Variants in NLGN1 observed in about 807,000 individuals in gnomAD.
The protein encoded by NLGN1 is neuroligin 1.
Under a neutral mutation model 65.5 loss-of-function variants are expected in NLGN1, and 12 were observed. The ratio of observed to expected loss-of-function variants is 0.18; its 90% CI spans 0.12 to 0.30. The LOEUF is 0.30. Among genes scored for constraint, NLGN1 ranks in the 10% least tolerant of loss-of-function variants. The pLI is 1.00. For synonymous variants in NLGN1, 350 were observed against 359.5 expected (o/e 0.97, Z 0.30); for missense variants, 750 against 1,007.1 (o/e 0.74, Z 3.46).
At chr3:174,052,235 A>T (rs1043892611) in intron 4 of NLGN1, among the ~76,000 whole-genome samples, 1 of 152,076 alleles carries the variant, frequency 6.6e-6, no homozygotes, top group African/African-American at 2.4e-5. Context: ...TGTGTTGTGT[A>T]GGGGAAAACT....
chr3:173,571,576 A>G (rs1464590945), intron 2 of NLGN1, among the ~76,000 whole-genome samples: 1 of 152,236 alleles, frequency 6.6e-6, no homozygotes, highest in Non-Finnish European at 1.5e-5. Context: ...TTATTAAAAG[A>G]AAAATAAATA....
chr3:174,219,121 C>T (rs888055222), intron 4 of NLGN1, among the ~76,000 whole-genome samples: 2 of 152,082 alleles, frequency 1.3e-5, no homozygotes, highest in African/African-American at 4.8e-5. Context: ...TTCTGAAATT[C>T]TGGCAAATGA....
chr3:173,586,620 C>A lies in NLGN1; in HGVS notation c.-320-17659C>A, dbSNP rs536038769. ...GGTAGATATTTCTTATTTCAGTAGA[C>A]GTTGTGTAGGCTTATTTAGAGATTA... On this transcript the variant is annotated intron_variant, in intron 2 of 6. Transcript: ENST00000457714. Among the ~76,000 whole-genome samples, 5 of 152,290 alleles carry A rather than the reference C, an allele frequency of 3.3e-5. No homozygotes were observed. The South Asian group carries it at 8.3e-4, about 25-fold the overall frequency.
At chr3:174,004,041 A>G (rs1173973176) in intron 4 of NLGN1, among the ~76,000 whole-genome samples, 1 of 152,054 alleles carries the variant, frequency 6.6e-6, no homozygotes, top group African/African-American at 2.4e-5. Context: ...TTCTTTTTCC[A>G]TGTCTGTGGA....
chr3:174,018,230 C>T (rs1261214716), intron 4 of NLGN1, among the ~76,000 whole-genome samples: 1 of 152,122 alleles, frequency 6.6e-6, no homozygotes, highest in African/African-American at 2.4e-5. Flanking sequence ...CACTGTTATC[C>T]TGTTCTTTTT....
intron 3 of NLGN1, chr3:173,685,608 A>G (rs1577944576): frequency 1.0e-6 from 1 of 980,510 alleles, no homozygotes; most frequent in Non-Finnish European, 1.2e-6. Context: ...GTTATCAGAG[A>G]TAGGCTGGAA....
intron 3 of NLGN1, among the ~76,000 whole-genome samples, chr3:173,770,010 C>T (rs1439969550): frequency 6.6e-6 from 1 of 152,180 alleles, no homozygotes; most frequent in African/African-American, 2.4e-5. Context: ...GGCCCCTAAG[C>T]TTCTGTTATA....
chr3:173,671,291 G>A (rs1214828227), intron 3 of NLGN1, among the ~76,000 whole-genome samples: 1 of 152,144 alleles, frequency 6.6e-6, no homozygotes, highest in East Asian at 1.9e-4. Context: ...CGTGAGCCCA[G>A]GAGTTCGAGA....
intron 3 of NLGN1, among the ~76,000 whole-genome samples, chr3:173,774,680 G>T (rs1346169228): frequency 6.6e-6 from 1 of 151,990 alleles, no homozygotes; most frequent in African/African-American, 2.4e-5. Flanking sequence ...AGATTTCTTT[G>T]TTCAATTTAA....
At chr3:173,949,642 A>C (rs1046641923) in intron 4 of NLGN1, among the ~76,000 whole-genome samples, 25 of 152,178 alleles carry the variant, frequency 1.6e-4, no homozygotes, top group African/African-American at 6.0e-4. Flanking sequence ...GGCATCCTAT[A>C]AACATTCAGT....
intron 3 of NLGN1, among the ~76,000 whole-genome samples, chr3:173,680,466 A>G (rs967253722): frequency 6.6e-6 from 1 of 152,182 alleles, no homozygotes; most frequent in Non-Finnish European, 1.5e-5. Flanking sequence ...TAAAAATGCA[A>G]TTTTGAATTA....
intron 4 of NLGN1, among the ~76,000 whole-genome samples, chr3:173,941,465 G>A (rs1746077720): frequency 6.6e-6 from 1 of 151,634 alleles, no homozygotes; most frequent in African/African-American, 2.4e-5. Context: ...TCATCCTATT[G>A]GACTCCCAGG....
chr3:173,863,794 A>G (rs975295562), intron 4 of NLGN1, among the ~76,000 whole-genome samples: 3 of 152,200 alleles, frequency 2.0e-5, no homozygotes, highest in Admixed American at 6.5e-5. Flanking sequence ...CCACAGAATG[A>G]TGGTGACCAT....
At chr3:173,902,356 A>C (rs1035296382) in intron 4 of NLGN1, among the ~76,000 whole-genome samples, 1 of 152,106 alleles carries the variant, frequency 6.6e-6, no homozygotes, top group Non-Finnish European at 1.5e-5. Context: ...TGAGGATTTC[A>C]GAATTGACAT....
At chr3:173,476,943 A>G (rs1726318523) in intron 2 of NLGN1, among the ~76,000 whole-genome samples, 1 of 152,126 alleles carries the variant, frequency 6.6e-6, no homozygotes, top group Non-Finnish European at 1.5e-5. Flanking sequence ...GAAGCAATTG[A>G]AAGGGTGATG....
chr3:173,754,930 C>A (rs1200272670), intron 3 of NLGN1, among the ~76,000 whole-genome samples: 1 of 152,054 alleles, frequency 6.6e-6, no homozygotes, highest in African/African-American at 2.4e-5. Context: ...TTCAATCACT[C>A]ATCACAGAGT....
chr3:173,851,901 T>A (rs944744684), intron 4 of NLGN1, among the ~76,000 whole-genome samples: 1 of 152,294 alleles, frequency 6.6e-6, no homozygotes, highest in South Asian at 2.1e-4. Flanking sequence ...TATAAAACAT[T>A]TAAAATGTTG....
At chr3:173,910,161 A>C (rs913447105) in intron 4 of NLGN1, among the ~76,000 whole-genome samples, 12 of 152,164 alleles carry the variant, frequency 7.9e-5, no homozygotes, top group Admixed American at 2.0e-4. Flanking sequence ...GTTTCAGAGG[A>C]TGCAGTGCTT....
intron 4 of NLGN1, among the ~76,000 whole-genome samples, chr3:173,936,612 G>A (rs1745117483): frequency 6.6e-6 from 1 of 152,004 alleles, no homozygotes; most frequent in Admixed American, 6.6e-5. Flanking sequence ...CCACAAGATT[G>A]AAGATAGGAC....
Sources: allele counts gnomAD v4.1 joint callset (sites outside exome capture counted in the v4.1 genomes callset), GRCh38; gene constraint gnomAD v4.1.1; transcripts MANE v1.5; gene names NCBI Gene and HGNC (gene_info 2026-07-23, HGNC 2026-07-21).